The following JAK1 variants were observed in gnomAD, a reference collection of about 807,000 sequenced individuals.
JAK1 encodes tyrosine-protein kinase JAK1.
Under a neutral mutation model 136.6 loss-of-function variants are expected in JAK1, and 16 were observed. The ratio of observed to expected loss-of-function variants is 0.12; its 90% CI spans 0.08 to 0.18. The LOEUF (loss-of-function observed/expected upper bound fraction) is 0.18, where lower values mean the gene tolerates loss of function less well. Ranked by LOEUF, JAK1 falls within the 10% of genes least tolerant of loss-of-function variation. The pLI is 1.00. For synonymous variants in JAK1, 492 were observed against 519.5 expected (o/e 0.95, Z 0.72); for missense variants, 859 against 1,450.1 (o/e 0.59, Z 6.62).
chr1:64,896,564 A>G (rs557154262), intron 1 of JAK1, among the ~76,000 whole-genome samples: 3 of 152,390 alleles, frequency 2.0e-5, no homozygotes, highest in Non-Finnish European at 2.9e-5. Flanking sequence ...CACTTGTTCC[A>G]GGACATCATT....
intron 21 of JAK1, 41 bp from the exon 22 acceptor site, chr1:64,838,145 A>C: frequency 2.6e-6 from 4 of 1,555,516 alleles, no homozygotes; most frequent in Non-Finnish European, 3.5e-6. Flanking sequence ...TGCTAAAGTC[A>C]CTTTAGATTG....
intron 1 of JAK1, among the ~76,000 whole-genome samples, chr1:64,921,866 C>G (rs962682967): frequency 2.6e-5 from 4 of 151,922 alleles, no homozygotes; most frequent in Non-Finnish European, 5.9e-5. Context: ...CATTTCCAAC[C>G]AAGAAGATAA....
intron 2 of JAK1, among the ~76,000 whole-genome samples, chr1:64,999,588 A>G (rs1646734018): frequency 6.6e-6 from 1 of 152,116 alleles, no homozygotes; most frequent in African/African-American, 2.4e-5. Context: ...AGAAAAAATT[A>G]ACTGGGTGTG....
intron 2 of JAK1, among the ~76,000 whole-genome samples, chr1:64,997,819 G>T (rs1430572743): frequency 1.3e-5 from 2 of 152,178 alleles, no homozygotes; most frequent in African/African-American, 4.8e-5. Context: ...GATAGAGAAG[G>T]AATGTTCTTC....
chr1:64,851,043 T>C (rs565514087), intron 11 of JAK1, 133 bp from the exon 12 acceptor site: 3 of 664,958 alleles, frequency 4.5e-6, no homozygotes, highest in South Asian at 3.4e-5. Flanking sequence ...CAAGTGCTTA[T>C]TCAATAGGCA....
chr1:65,040,440 G>A (rs1647119590), intron 2 of JAK1, among the ~76,000 whole-genome samples: 1 of 152,018 alleles, frequency 6.6e-6, no homozygotes, highest in South Asian at 2.1e-4. Flanking sequence ...AGAACCCTGT[G>A]ATTACCCTGA....
Position 64,886,751 on chromosome 1 carries a change from T to TACACACACACAC in JAK1, c.-77-422_-77-411dup, listed in dbSNP as rs3838404. Among the ~76,000 whole-genome samples the TACACACACACAC allele has an allele frequency of 6.1e-4, 85 of 138,944 alleles. 1 individual carries two copies. Among genetic ancestry groups the TACACACACACAC allele is most frequent in the Middle Eastern group, 3.5e-3 (1 of 282 alleles). The allele number at this position is 138,944 out of a possible 152,430, so 91.2% of individuals were successfully genotyped here. A position where few individuals can be genotyped will look rare whatever the true frequency, so the allele number is the denominator to read the frequency against. On this transcript the variant is annotated intron_variant, in intron 1 of 24. Coordinates refer to ENST00000342505, the MANE Select transcript of JAK1 (RefSeq NM_002227.4). ...AGAATTACCCCGCCCCAACCTTGTC[T>TACACACACACAC]ACACACACACACACACACACACACA...
At chr1:64,961,996 A>G (rs1052308012) in intron 1 of JAK1, among the ~76,000 whole-genome samples, 1 of 152,206 alleles carries the variant, frequency 6.6e-6, no homozygotes, top group Non-Finnish European at 1.5e-5. Context: ...AAGAAAGATA[A>G]CAAGGGGAAG....
intron 1 of JAK1, among the ~76,000 whole-genome samples, chr1:65,055,770 C>A (rs551169212): frequency 3.3e-5 from 5 of 152,194 alleles, no homozygotes; most frequent in African/African-American, 1.2e-4. Flanking sequence ...GGAGCTCCTG[C>A]TGCAGACTAA....
At chr1:64,885,660 G>A (rs773410092) in intron 2 of JAK1, among the ~76,000 whole-genome samples, 22 of 152,008 alleles carry the variant, frequency 1.4e-4, no homozygotes, top group Non-Finnish European at 3.1e-4. Flanking sequence ...GGCTGAGACA[G>A]GAGAATTGCT....
At position 64,984,481 on chromosome 1, in the gene JAK1, G is replaced by A; in HGVS notation, c.-78+59999C>T. 4.1e-6 allele frequency: 1 copy of A among 246,246 alleles called. No individual in the cohort carries two copies. The highest frequency in any genetic ancestry group is 7.4e-5 in the South Asian group (1 of 13,496). The allele number at this position is 246,246 out of a possible 1,614,324, so 15.3% of individuals were successfully genotyped here. A position where few individuals can be genotyped will look rare whatever the true frequency, so the allele number is the denominator to read the frequency against. ...TGAAAATTCAACAAGCTCCAGTCTT[G>A]TTGAGGGAGAAAGGAATCAAGTAGC... On this transcript the variant is annotated intron_variant, in intron 2 of 25. Transcript: ENST00000671954. This position sits in a 1 kb window ranked among gnomAD's most constrained non-coding sequence, Gnocchi z 4.1.
At chr1:65,006,671 A>G (rs192924727) in intron 2 of JAK1, among the ~76,000 whole-genome samples, 7 of 152,278 alleles carry the variant, frequency 4.6e-5, no homozygotes, top group South Asian at 2.1e-4. Context: ...GGGAACTCAT[A>G]TATCTGATTT....
At chr1:65,060,589 T>C (rs986124943) in intron 1 of JAK1, among the ~76,000 whole-genome samples, 1 of 152,152 alleles carries the variant, frequency 6.6e-6, no homozygotes, top group African/African-American at 2.4e-5. Context: ...TATTTTTCTC[T>C]CATTTCATTT....
intron 1 of JAK1, among the ~76,000 whole-genome samples, chr1:65,059,992 C>G (rs1422544697): frequency 6.6e-6 from 1 of 152,070 alleles, no homozygotes; most frequent in African/African-American, 2.4e-5. Context: ...AAAGCAACAT[C>G]CAATGAAACA....
chr1:65,047,864 A>G (rs1647202069), intron 1 of JAK1, among the ~76,000 whole-genome samples: 1 of 152,112 alleles, frequency 6.6e-6, no homozygotes, highest in East Asian at 1.9e-4. Context: ...AGGCAGAAAA[A>G]GGGACAGGGA....
chr1:64,933,801 G>A (rs1319931875), intron 1 of JAK1, among the ~76,000 whole-genome samples: 1 of 152,188 alleles, frequency 6.6e-6, no homozygotes, highest in Non-Finnish European at 1.5e-5. Flanking sequence ...GCACGCCGCT[G>A]CTCTAAAGAA....
intron 1 of JAK1, among the ~76,000 whole-genome samples, chr1:64,905,790 T>C (rs527321963): frequency 1.6e-4 from 25 of 152,308 alleles, no homozygotes; most frequent in Middle Eastern, 3.4e-3. Context: ...TGTTTATGTG[T>C]ACCTATCTCA....
intron 6 of JAK1, 47 bp from the exon 7 acceptor site, chr1:64,867,255 G>A: frequency 7.3e-7 from 1 of 1,372,166 alleles, no homozygotes; most frequent in Non-Finnish European, 9.9e-7. Context: ...TACAGGTTAG[G>A]AGAAAATAGT....
chr1:64,888,767 C>T (rs1476743640), intron 1 of JAK1, among the ~76,000 whole-genome samples: 4 of 152,170 alleles, frequency 2.6e-5, no homozygotes, highest in Non-Finnish European at 2.9e-5. Context: ...ATTTGTGATG[C>T]TTAGCCTAGA....
Sources: gnomAD v4.1 joint callset for allele counts (sites outside exome capture counted in the v4.1 genomes callset) on GRCh38, gnomAD v4.1.1 for gene constraint, Gnocchi (gnomAD v3.1) non-coding constraint, MANE v1.5 for transcripts, NCBI Gene and HGNC (gene_info 2026-07-23, HGNC 2026-07-21) for gene names.